NUSAP1: variants seen among roughly 807,000 people sequenced by gnomAD.
The protein encoded by NUSAP1 is nucleolar and spindle-associated protein 1.
NUSAP1 carries 32 observed loss-of-function variants against 52.8 expected under a neutral mutation model. That is an observed-to-expected ratio of 0.61 (90% CI 0.46 to 0.81). The LOEUF is 0.81. NUSAP1 is among the 40% of genes least tolerant of loss of function. NUSAP1 has a pLI of 0.00. For missense variants in NUSAP1, 499 were observed against 522.3 expected, an observed-to-expected ratio of 0.96 and a Z score of 0.43; for synonymous variants, 195 against 183.1, an observed-to-expected ratio of 1.06 and a Z score of -0.52.
chr15:41,377,807 C>G (rs190803003), intron 10 of NUSAP1, among the ~76,000 whole-genome samples: 7 of 150,986 alleles, frequency 4.6e-5, no homozygotes, highest in East Asian at 2.0e-4. Context: ...CGAGACCATC[C>G]TGGCTAACGC....
At chr15:41,346,780 T>C (rs1466395200) in intron 2 of NUSAP1, among the ~76,000 whole-genome samples, 3 of 151,546 alleles carry the variant, frequency 2.0e-5, no homozygotes, top group Non-Finnish European at 4.4e-5. Flanking sequence ...TGAGCCAAGA[T>C]TGTGCTATTG....
chr15:41,373,039 A>G (rs1156395043), intron 8 of NUSAP1, among the ~76,000 whole-genome samples: 1 of 151,924 alleles, frequency 6.6e-6, no homozygotes, highest in Non-Finnish European at 1.5e-5. Context: ...GTGAGCCGAG[A>G]TTGTGCCACT....
chr15:41,338,110 T>C (rs902934077), intron 1 of NUSAP1, among the ~76,000 whole-genome samples: 1 of 151,800 alleles, frequency 6.6e-6, no homozygotes, highest in Non-Finnish European at 1.5e-5. Context: ...TTTTTTTGTA[T>C]TTTTAGTAGA....
At chr15:41,372,341 A>G (rs906603878) in intron 8 of NUSAP1, among the ~76,000 whole-genome samples, 5 of 152,156 alleles carry the variant, frequency 3.3e-5, no homozygotes, top group African/African-American at 1.2e-4. Flanking sequence ...ATCCCAGACC[A>G]CAGACTTCAT....
In NUSAP1 at chr15:41,374,553, C is replaced by T. The variant is rs912781968; in HGVS notation, c.1007-1159C>T. Among the ~76,000 whole-genome samples the T allele has an allele frequency of 2.0e-5, 3 of 152,072 alleles. No individual in the cohort carries two copies. In the South Asian group the frequency reaches 6.2e-4, roughly 32 times the overall value. On this transcript the variant is annotated intron_variant, in intron 8 of 10. Transcript: ENST00000559596. ...CTATAACTTTTTTCTTTTTTTGAGA[C>T]ACAGTCTCACTGTCGCCAGGCTGGA...
Position 41,351,083 on chromosome 15 carries a change from T to G in NUSAP1, c.402T>G (p.Pro134=). 6.2e-7 allele frequency: 1 copy of G among 1,613,828 alleles called. No individual in the cohort carries two copies. Among genetic ancestry groups the G allele is most frequent in the South Asian group, 1.1e-5 (1 of 91,054 alleles). Residue 134 remains proline (P), a synonymous_variant, in exon 4 of 11, where the codon CCT becomes CCG. Coordinates refer to ENST00000559596, the MANE Select transcript of NUSAP1 (RefSeq NM_016359.5). ...SQDLRATAKV[P]SPPDEHQEAE... ...ATCTCAGAGCTACTGCAAAAGTTCC[T>G]TCTCCACCAGACGAGCACCAAGAAG...
Position 41,351,084 on chromosome 15 carries a change from T to C in NUSAP1, c.403T>C (p.Ser135Pro), listed in dbSNP as rs1443518479. ...QDLRATAKVP[S>P]PPDEHQEAEN... ...TCTCAGAGCTACTGCAAAAGTTCCT[T>C]CTCCACCAGACGAGCACCAAGAAGC... Residue 135 changes from serine to proline, a missense_variant, in exon 4 of 11, where the codon TCT becomes CCT. Physicochemically the swap from Ser to Pro is moderately conservative, Grantham distance 74. Transcript: ENST00000559596. 1 of 1,613,628 alleles carries C rather than the reference T, an allele frequency of 6.2e-7. No individual in the cohort carries two copies. Among genetic ancestry groups the C allele is most frequent in the Non-Finnish European group, 8.5e-7 (1 of 1,179,820 alleles).
chr15:41,352,203 A>G (rs2048802428), intron 4 of NUSAP1, among the ~76,000 whole-genome samples: 1 of 152,034 alleles, frequency 6.6e-6, no homozygotes, highest in African/African-American at 2.4e-5. Context: ...CAGCCTCCCA[A>G]AGTGCTGAGA....
chr15:41,365,119 C>G (rs921249500), intron 6 of NUSAP1, among the ~76,000 whole-genome samples: 4 of 152,152 alleles, frequency 2.6e-5, no homozygotes, highest in African/African-American at 9.6e-5. Flanking sequence ...CTCTTCTGAA[C>G]TTTGCCTAGG....
At chr15:41,337,010 T>C (rs1321578941) in intron 1 of NUSAP1, among the ~76,000 whole-genome samples, 2 of 135,336 alleles carry the variant, frequency 1.5e-5, no homozygotes, top group Non-Finnish European at 1.6e-5. Flanking sequence ...TTTTTTTTTT[T>C]TTTTTTTTTT....
chr15:41,366,735 A>G (rs574746963), intron 7 of NUSAP1, among the ~76,000 whole-genome samples: 1 of 152,154 alleles, frequency 6.6e-6, no homozygotes, highest in Admixed American at 6.5e-5. Flanking sequence ...ATATTTCCCT[A>G]TGAATAGGGT....
intron 8 of NUSAP1, among the ~76,000 whole-genome samples, chr15:41,375,265 C>T (rs574521668): frequency 4.6e-5 from 7 of 151,426 alleles, no homozygotes; most frequent in African/African-American, 1.7e-4. Context: ...ACAACCTCCG[C>T]CTTCCGGGTT....
At chr15:41,333,249 G>A (rs74997457) in intron 1 of NUSAP1, among the ~76,000 whole-genome samples, 199 bp downstream of exon 1, 2,115 of 152,312 alleles carry the variant, frequency 0.014, 30 homozygotes, top group Non-Finnish European at 0.022. Flanking sequence ...ACCTCATTTT[G>A]AAGCTGGCTT....
chr15:41,366,670 A>G (rs946826439), intron 7 of NUSAP1, among the ~76,000 whole-genome samples: 1 of 152,200 alleles, frequency 6.6e-6, no homozygotes, highest in African/African-American at 2.4e-5. Context: ...TCTCTTGTGT[A>G]TCTCACTGAG....
chr15:41,362,410 ATTGT>A (rs2049211089), intron 6 of NUSAP1, among the ~76,000 whole-genome samples: 1 of 140,904 alleles, frequency 7.1e-6, no homozygotes, highest in South Asian at 2.2e-4. Context: ...GTACTTTTCT[ATTGT>A]TTATCTTTTT....
chr15:41,363,702 C>T (rs2049277559), intron 6 of NUSAP1, among the ~76,000 whole-genome samples: 1 of 152,026 alleles, frequency 6.6e-6, no homozygotes, highest in African/African-American at 2.4e-5. Context: ...TAATTCTTAA[C>T]CTACATTTTT....
chr15:41,372,324 T>A (rs1234175990), intron 8 of NUSAP1, among the ~76,000 whole-genome samples: 1 of 152,150 alleles, frequency 6.6e-6, no homozygotes, highest in African/African-American at 2.4e-5. Context: ...ACTCTGACAC[T>A]AACAGGATCC....
intron 8 of NUSAP1, among the ~76,000 whole-genome samples, chr15:41,375,492 T>C (rs2049889557): frequency 6.6e-6 from 1 of 152,052 alleles, no homozygotes; most frequent in Non-Finnish European, 1.5e-5. Context: ...TTTTGTATTT[T>C]TGTGGAGACA....
chr15:41,353,219 C>T (rs181742629), intron 4 of NUSAP1, among the ~76,000 whole-genome samples: 12 of 152,240 alleles, frequency 7.9e-5, no homozygotes, highest in African/African-American at 2.6e-4. Context: ...GACAGGATCT[C>T]GGCTCATTGC....
Sources: gnomAD v4.1 joint callset for allele counts (sites outside exome capture counted in the v4.1 genomes callset) on GRCh38, gnomAD v4.1.1 for gene constraint, MANE v1.5 for transcripts, NCBI Gene and HGNC (gene_info 2026-07-23, HGNC 2026-07-21) for gene names.